YIPF4: variants seen among roughly 807,000 people sequenced by gnomAD.
The protein encoded by YIPF4 is protein YIPF4.
A neutral mutation model predicts 29.4 loss-of-function variants in YIPF4; 18 were observed. That is an observed-to-expected ratio of 0.61 (90% CI 0.42 to 0.91). YIPF4 has a LOEUF of 0.91. Ranked by LOEUF, YIPF4 falls within the 40% of genes least tolerant of loss-of-function variation. The pLI is 0.00. For missense variants in YIPF4, 279 were observed against 282.7 expected, an observed-to-expected ratio of 0.99 and a Z score of 0.09; for synonymous variants, 115 against 104.7, an observed-to-expected ratio of 1.10 and a Z score of -0.60.
intron 1 of YIPF4, among the ~76,000 whole-genome samples, chr2:32,281,389 A>G (rs1199861994): frequency 6.6e-6 from 1 of 152,126 alleles, no homozygotes; most frequent in Non-Finnish European, 1.5e-5. Context: ...CTACAGGTGT[A>G]CGCCACCATG....
rs769293610 is a variant in YIPF4, at chr2:32,305,611, A to T, written c.720A>T (p.Leu240Phe). 1.2e-6 allele frequency: 2 copies of T among 1,604,724 alleles called. No homozygotes were observed. Among genetic ancestry groups the T allele is most frequent in the Non-Finnish European group, 1.7e-6 (2 of 1,176,600 alleles). The change falls in exon 6 of 6, where the codon TTA becomes TTT. Residue 240 changes from leucine to phenylalanine, a missense_variant. Physicochemically the swap from Leu to Phe is conservative, Grantham distance 22. Transcript: ENST00000238831. Reference protein sequence around the residue: ...IFLLYIYFLSLYTGV With the variant: ...IFLLYIYFLSFYTGV ...TATTATACATTTATTTTTTGTCGTTATATACTGGTGTGTGATCCAAGTTAT... is the reference window on the plus strand; with the variant it reads ...TATTATACATTTATTTTTTGTCGTTTTATACTGGTGTGTGATCCAAGTTAT...
chr2:32,295,539 G>A (rs908277275), intron 3 of YIPF4, among the ~76,000 whole-genome samples: 8 of 152,218 alleles, frequency 5.3e-5, no homozygotes, highest in Middle Eastern at 3.4e-3. Flanking sequence ...TTCTGGCTGC[G>A]TCACTATGAT....
chr2:32,311,347 T>C lies in YIPF4; in HGVS notation c.*5721T>C, dbSNP rs2031711981. On this transcript the variant is annotated 3_prime_UTR_variant, in exon 6 of 6. Transcript: ENST00000238831. ...TGAAATTTAGGATTAGTTTTCTCTT[T>C]GAAAATTCTTTTGATATGCTGAGGT... The C allele has an allele frequency of 6.6e-6, 1 of 152,194 alleles. No individual in the cohort carries two copies. The allele number at this position is 152,194 out of a possible 1,614,324, so 9.4% of individuals were successfully genotyped here.
intron 1 of YIPF4, among the ~76,000 whole-genome samples, chr2:32,289,384 T>C (rs1430454996): frequency 2.0e-5 from 3 of 152,336 alleles, no homozygotes; most frequent in African/African-American, 7.2e-5. Flanking sequence ...CAAATTAAGC[T>C]CTTTGTACTG....
intron 1 of YIPF4, among the ~76,000 whole-genome samples, chr2:32,286,560 T>G (rs2030679337): frequency 6.6e-6 from 1 of 152,126 alleles, no homozygotes; most frequent in African/African-American, 2.4e-5. Context: ...AACATTTTTT[T>G]TTTTGAGATG....
At chr2:32,285,432 CA>C (rs2030621356) in intron 1 of YIPF4, among the ~76,000 whole-genome samples, 1 of 152,128 alleles carries the variant, frequency 6.6e-6, no homozygotes, top group Non-Finnish European at 1.5e-5. Flanking sequence ...TGGCCTTCTT[CA>C]GTCTTTTTAT....
At chr2:32,296,156 A>G (rs1272475157) in intron 3 of YIPF4, among the ~76,000 whole-genome samples, 22 of 152,270 alleles carry the variant, frequency 1.4e-4, no homozygotes, top group Admixed American at 1.4e-3. Context: ...TCTGTTTTGT[A>G]TAATCTTTCA....
rs546054109 is a variant in YIPF4, at chr2:32,292,272, G to A, written c.329G>A (p.Arg110Lys). 2.5e-6 allele frequency: 4 copies of A among 1,606,140 alleles called. No individual in the cohort carries two copies. The highest frequency in any genetic ancestry group is 1.7e-5 in the Admixed American group (1 of 59,468). The part of the protein sequence containing the change: ...PSLGFNRQVV[R>K]DNPDFWGPLA... ...CTTGGTTTTAATAGACAAGTGGTGAGAGACAATCCTGACTTTTGGGGTCCT... is the reference window on the plus strand; with the variant it reads ...CTTGGTTTTAATAGACAAGTGGTGAAAGACAATCCTGACTTTTGGGGTCCT... The change falls in exon 3 of 6, where the codon AGA (arginine) becomes AAA (lysine). Residue 110 changes from arginine (R) to lysine (K), a missense_variant. Arg to Lys is a conservative substitution (Grantham distance 26). Coordinates refer to ENST00000238831, the MANE Select transcript of YIPF4 (RefSeq NM_032312.4).
intron 4 of YIPF4, among the ~76,000 whole-genome samples, chr2:32,300,966 C>T (rs2031384129): frequency 6.6e-6 from 1 of 152,194 alleles, no homozygotes; most frequent in South Asian, 2.1e-4. Context: ...GGCTACCTTC[C>T]CTTTCCTTCT....
chr2:32,296,158 A>T (rs1341292171), intron 3 of YIPF4, among the ~76,000 whole-genome samples: 1 of 152,170 alleles, frequency 6.6e-6, no homozygotes, highest in Non-Finnish European at 1.5e-5. Context: ...TGTTTTGTAT[A>T]ATCTTTCATT....
intron 4 of YIPF4, among the ~76,000 whole-genome samples, chr2:32,300,650 T>G (rs1046851703): frequency 6.6e-6 from 1 of 152,028 alleles, no homozygotes; most frequent in African/African-American, 2.4e-5. Context: ...ATTTCTTATG[T>G]CCTAGACAAA....
chr2:32,293,802 G>GC (rs2031029638), intron 3 of YIPF4, among the ~76,000 whole-genome samples: 2 of 147,702 alleles, frequency 1.4e-5, no homozygotes, highest in Non-Finnish European at 3.0e-5. Flanking sequence ...GGGCAGAGGC[G>GC]CCCCTCACCT....
intron 3 of YIPF4, among the ~76,000 whole-genome samples, 166 bp from the exon 4 acceptor site, chr2:32,298,068 T>C (rs1445986451): frequency 1.3e-5 from 2 of 152,186 alleles, no homozygotes; most frequent in Non-Finnish European, 2.9e-5. Flanking sequence ...GTATTACACA[T>C]TGTATTCTTA....
chr2:32,286,980 C>T (rs946892636), intron 1 of YIPF4, among the ~76,000 whole-genome samples: 3 of 152,102 alleles, frequency 2.0e-5, no homozygotes, highest in Admixed American at 6.6e-5. Context: ...CACAGTGGCT[C>T]GTGTCTTTAA....
chr2:32,301,702 A>G (rs894543753), intron 5 of YIPF4, among the ~76,000 whole-genome samples: 1 of 151,798 alleles, frequency 6.6e-6, no homozygotes, highest in South Asian at 2.1e-4. Context: ...TGTCTGGGGG[A>G]AAAAACAAAG....
chr2:32,278,340 G>A (rs1231735936), intron 1 of YIPF4, 106 bp downstream of exon 1: 5 of 1,133,146 alleles, frequency 4.4e-6, no homozygotes, highest in Non-Finnish European at 6.1e-6. Context: ...GGACAGGCAG[G>A]AAGCTGACTG....
rs2031835592 is a variant in YIPF4 at position 32,316,401 on chromosome 2, CCT to C, written c.*10779_*10780del. The C allele has an allele frequency of 6.6e-6, 1 of 152,116 alleles. No homozygotes were observed. Among genetic ancestry groups the C allele is most frequent in the Non-Finnish European group, 1.5e-5 (1 of 68,028 alleles). 9.4% of individuals were successfully genotyped at this position (152,116 alleles called of 1,614,324 possible). A position where few individuals can be genotyped will look rare whatever the true frequency, so the allele number is the denominator to read the frequency against. On this transcript the variant is annotated 3_prime_UTR_variant, in exon 6 of 6. Transcript: ENST00000238831. Reference sequence around the variant, plus strand: ...ATTAAATGTGAATTAACAACGTTGGCCTCTCGGATTCCCAAAACTTTAAAAGA... The same window carrying C: ...ATTAAATGTGAATTAACAACGTTGGCCTCGGATTCCCAAAACTTTAAAAGA...
intron 1 of YIPF4, among the ~76,000 whole-genome samples, chr2:32,285,297 C>G (rs1248254103): frequency 1.3e-5 from 2 of 151,986 alleles, no homozygotes; most frequent in African/African-American, 4.8e-5. Context: ...GGAGGAAGAC[C>G]TGAGATATAT....
At chr2:32,295,159 A>G (rs1419657909) in intron 3 of YIPF4, among the ~76,000 whole-genome samples, 1 of 152,170 alleles carries the variant, frequency 6.6e-6, no homozygotes, top group Non-Finnish European at 1.5e-5. Context: ...TTCCATCAGT[A>G]TTTGTTTTTA....
Sources: gnomAD v4.1 joint callset for allele counts (sites outside exome capture counted in the v4.1 genomes callset) on GRCh38, gnomAD v4.1.1 for gene constraint, MANE v1.5 for transcripts, NCBI Gene and HGNC (gene_info 2026-07-23, HGNC 2026-07-21) for gene names.